ZC3H6: variants seen among roughly 807,000 people sequenced by gnomAD.
ZC3H6 encodes the protein zinc finger CCCH-type containing 6, also known as zinc finger CCCH domain-containing protein 6.
In ZC3H6, 40 loss-of-function variants were observed where a neutral mutation model predicts 107.7. That is an observed-to-expected ratio of 0.37 (90% CI 0.29 to 0.48). ZC3H6 has a LOEUF of 0.48. Ranked by LOEUF, ZC3H6 falls within the 20% of genes least tolerant of loss-of-function variation. The pLI, the probability that ZC3H6 is intolerant of heterozygous loss-of-function variation, is 0.98. For missense variants in ZC3H6, 1,267 were observed against 1,410.4 expected, an observed-to-expected ratio of 0.90 and a Z score of 1.63; for synonymous variants, 493 against 487.9, an observed-to-expected ratio of 1.01 and a Z score of -0.14.
chr2:112,289,187 G>T (rs1278373360), intron 1 of ZC3H6, among the ~76,000 whole-genome samples: 1 of 151,690 alleles, frequency 6.6e-6, no homozygotes, highest in Non-Finnish European at 1.5e-5. Context: ...TGTAGTTTTA[G>T]TAGAGACGGG....
At chr2:112,283,928 A>T (rs1024022101) in intron 1 of ZC3H6, among the ~76,000 whole-genome samples, 1 of 152,244 alleles carries the variant, frequency 6.6e-6, no homozygotes, top group Non-Finnish European at 1.5e-5. Flanking sequence ...TTAATGTATA[A>T]GGATGTTAAT....
chr2:112,294,855 T>A (rs568262053), intron 1 of ZC3H6, among the ~76,000 whole-genome samples: 4 of 152,290 alleles, frequency 2.6e-5, no homozygotes, highest in African/African-American at 9.6e-5. Flanking sequence ...TACCATAGGG[T>A]ATTATGATTT....
intron 1 of ZC3H6, 54 bp downstream of exon 1, chr2:112,276,080 C>A (rs1186467430): frequency 6.6e-7 from 1 of 1,512,354 alleles, no homozygotes; most frequent in Non-Finnish European, 8.9e-7. Context: ...GGGTCTGGGG[C>A]GGCGGGAGCG....
chr2:112,291,799 A>G (rs1286797779), intron 1 of ZC3H6, among the ~76,000 whole-genome samples: 5 of 151,942 alleles, frequency 3.3e-5, no homozygotes, highest in Non-Finnish European at 7.4e-5. Flanking sequence ...GCTCACTGCA[A>G]CCTCCGCCTC....
intron 3 of ZC3H6, among the ~76,000 whole-genome samples, chr2:112,306,462 C>T (rs532752734): frequency 1.3e-5 from 2 of 152,236 alleles, no homozygotes; most frequent in South Asian, 2.1e-4. Flanking sequence ...CGTGAGCCAC[C>T]GTGCACGGCC....
intron 3 of ZC3H6, among the ~76,000 whole-genome samples, chr2:112,308,407 T>A (rs567783241): frequency 2.8e-5 from 4 of 141,696 alleles, no homozygotes; most frequent in South Asian, 2.2e-4. Context: ...TATTTTATTT[T>A]ATTTATTTAT....
intron 1 of ZC3H6, among the ~76,000 whole-genome samples, chr2:112,292,360 C>A (rs1383013652): frequency 6.6e-6 from 1 of 152,218 alleles, no homozygotes; most frequent in Non-Finnish European, 1.5e-5. Flanking sequence ...ATCAGAATCC[C>A]TTTATTTTTC....
chr2:112,278,223 A>G (rs1218476145), intron 1 of ZC3H6, among the ~76,000 whole-genome samples: 1 of 152,236 alleles, frequency 6.6e-6, no homozygotes, highest in African/African-American at 2.4e-5. Flanking sequence ...TATAATAGCT[A>G]TTTTATGCTG....
chr2:112,296,868 G>T (rs192644916), intron 1 of ZC3H6, among the ~76,000 whole-genome samples: 11 of 152,188 alleles, frequency 7.2e-5, no homozygotes, highest in Admixed American at 1.3e-4. Context: ...TGTACAGAGT[G>T]CAATGATAAG....
At chr2:112,326,788 T>G (rs962180876) in intron 11 of ZC3H6, among the ~76,000 whole-genome samples, 2 of 151,926 alleles carry the variant, frequency 1.3e-5, no homozygotes, top group Admixed American at 6.6e-5. Flanking sequence ...AATTTTTATA[T>G]TTTTAGTAGA....
intron 1 of ZC3H6, among the ~76,000 whole-genome samples, chr2:112,278,977 T>TA (rs943308027): frequency 6.6e-5 from 10 of 152,196 alleles, no homozygotes; most frequent in East Asian, 1.9e-4. Context: ...ATGAATAATT[T>TA]AAAAAAAATC....
intron 2 of ZC3H6, 148 bp downstream of exon 2, chr2:112,300,177 A>G: frequency 1.8e-6 from 1 of 561,272 alleles, no homozygotes; most frequent in Non-Finnish European, 2.8e-6. Context: ...AACAAAGATT[A>G]TATGAATTAT....
intron 1 of ZC3H6, among the ~76,000 whole-genome samples, chr2:112,290,930 C>T (rs1413014371): frequency 1.4e-5 from 2 of 147,806 alleles, no homozygotes; most frequent in Admixed American, 6.8e-5. Flanking sequence ...ATATCAAGTA[C>T]TATCCATTAT....
At chr2:112,304,233 T>C (rs945297030) in intron 3 of ZC3H6, among the ~76,000 whole-genome samples, 2 of 152,234 alleles carry the variant, frequency 1.3e-5, no homozygotes, top group Non-Finnish European at 2.9e-5. Context: ...AATTTTATTC[T>C]TTCTGGTATT....
chr2:112,325,321 C>G lies in ZC3H6; in HGVS notation c.2086+124C>G. On this transcript the variant is annotated intron_variant, in intron 11 of 11. Coordinates refer to ENST00000409871, the MANE Select transcript of ZC3H6 (RefSeq NM_198581.3). ...CCAACCTGGCCAACATGGTGAAACC[C>G]CATCTCTACTAAAAATGCAAAAATT... The G allele has an allele frequency of 4.6e-6, 4 of 862,804 alleles. No homozygotes were observed. The East Asian group carries it at 1.1e-4, about 23-fold the overall frequency. 53.4% of individuals were successfully genotyped at this position (862,804 alleles called of 1,614,324 possible). A position where few individuals can be genotyped will look rare whatever the true frequency, so the allele number is the denominator to read the frequency against.
At chr2:112,294,215 A>AG (rs1212265861) in intron 1 of ZC3H6, among the ~76,000 whole-genome samples, 1 of 151,584 alleles carries the variant, frequency 6.6e-6, no homozygotes, top group Non-Finnish European at 1.5e-5. Flanking sequence ...GCCTATGTGG[A>AG]GGCATGCGAG....
rs1217153228 is a variant in ZC3H6 at position 112,339,934 on chromosome 2, G to T, written c.*7446G>T. 6.6e-6 allele frequency: 1 copy of T among 152,106 alleles called. No individual in the cohort carries two copies. The highest frequency in any genetic ancestry group is 1.9e-4 in the East Asian group (1 of 5,200). 9.4% of individuals were successfully genotyped at this position (152,106 alleles called of 1,614,324 possible). A position where few individuals can be genotyped will look rare whatever the true frequency, so the allele number is the denominator to read the frequency against. ...CTAACCCAGTACTTGGCAAAATTAG[G>T]AATAACTTTTCCCCTCCTTCTTTAC... On this transcript the variant is annotated 3_prime_UTR_variant, in exon 12 of 12. Coordinates refer to ENST00000409871, the MANE Select transcript of ZC3H6 (RefSeq NM_198581.3).
chr2:112,309,227 T>C (rs1423262391), intron 3 of ZC3H6, among the ~76,000 whole-genome samples: 1 of 152,198 alleles, frequency 6.6e-6, no homozygotes, highest in Middle Eastern at 3.2e-3. Flanking sequence ...GAGACAGACC[T>C]GAATACTGTC....
chr2:112,324,544 G>A lies in ZC3H6; in HGVS notation c.1733G>A (p.Ser578Asn), dbSNP rs374167778. The A allele has an allele frequency of 2.5e-5, 40 of 1,612,552 alleles. No homozygotes were observed. The highest frequency in any genetic ancestry group is 1.2e-4 in the Admixed American group (7 of 59,766). Residue 578 changes from serine to asparagine, a missense_variant, in exon 10 of 12, where the codon AGT becomes AAT. Around this residue, in one of 3 missense-constraint regions of ZC3H6, gnomAD observed 925 missense variants for 1,025.7 expected, o/e 0.90. Transcript: ENST00000409871. Reference sequence around the variant, plus strand: ...TCTCCAGGTTCATCATACCAGCAAAGTCCTGGTGAAATGCAGCTCAACACC... The same window carrying A: ...TCTCCAGGTTCATCATACCAGCAAAATCCTGGTGAAATGCAGCTCAACACC... ...HCSPGSSYQQ[S>N]PGEMQLNTNY...
Sources: gnomAD v4.1 joint callset for allele counts (sites outside exome capture counted in the v4.1 genomes callset) on GRCh38, gnomAD v4.1.1 for gene constraint, gnomAD v4.1.1 regional missense constraint, MANE v1.5 for transcripts, NCBI Gene and HGNC (gene_info 2026-07-23, HGNC 2026-07-21) for gene names.